Variants in SLC25A48 observed in about 807,000 individuals in gnomAD.
SLC25A48 encodes the protein CTC-321K16.1.
A neutral mutation model predicts 32.2 loss-of-function variants in SLC25A48; 29 were observed. The observed-to-expected ratio is 0.90, with a 90% CI of 0.67 to 1.23. The LOEUF is 1.23. Ranked by LOEUF, SLC25A48 falls within the 50% of genes most tolerant of loss-of-function variation. SLC25A48 has a pLI of 0.00. For missense variants in SLC25A48, 399 were observed against 422.7 expected (o/e 0.94, Z 0.49); for synonymous variants, 164 against 172.3 (o/e 0.95, Z 0.38).
chr5:135,727,058 G>A (rs183145400), intron 3 of SLC25A48, among the ~76,000 whole-genome samples: 402 of 152,230 alleles, frequency 2.6e-3, no homozygotes, highest in Non-Finnish European at 4.7e-3. Flanking sequence ...GGCTAAAGAC[G>A]TTGAACATCT....
chr5:135,886,671 TGTGA>T (rs72419713), intron 7 of SLC25A48, among the ~76,000 whole-genome samples: 6,190 of 98,464 alleles, frequency 0.063, 407 homozygotes, highest in Admixed American at 0.08. Flanking sequence ...TGTGTGTGTG[TGTGA>T]GAGAGAGAGA....
chr5:135,701,789 C>T (rs1391684645), intron 3 of SLC25A48, among the ~76,000 whole-genome samples: 1 of 152,164 alleles, frequency 6.6e-6, no homozygotes, highest in East Asian at 1.9e-4. Context: ...TGGGTGAACT[C>T]GAGATGGAAC....
At chr5:135,757,054 A>G (rs1302166616) in intron 3 of SLC25A48, among the ~76,000 whole-genome samples, 1 of 150,280 alleles carries the variant, frequency 6.7e-6, no homozygotes, top group Non-Finnish European at 1.5e-5. Context: ...ATGATATGAT[A>G]TCTAGTGTTA....
At chr5:135,741,171 A>C (rs1472361140) in intron 3 of SLC25A48, among the ~76,000 whole-genome samples, 2 of 152,158 alleles carry the variant, frequency 1.3e-5, no homozygotes, top group Non-Finnish European at 1.5e-5. Flanking sequence ...AGGTCACAGC[A>C]GTGGTGTGGA....
At chr5:135,775,924 AC>A (rs1346701082) in intron 3 of SLC25A48, among the ~76,000 whole-genome samples, 1 of 151,270 alleles carries the variant, frequency 6.6e-6, no homozygotes, top group Non-Finnish European at 1.5e-5. Context: ...AAAAGTGTAC[AC>A]CCCCACTGTG....
At chr5:135,806,064 T>G (rs939194017) in intron 3 of SLC25A48, among the ~76,000 whole-genome samples, 1 of 151,712 alleles carries the variant, frequency 6.6e-6, no homozygotes, top group Non-Finnish European at 1.5e-5. Context: ...AGGGAGATAT[T>G]ATCCCTAATA....
At chr5:135,727,914 A>G (rs1468737634) in intron 3 of SLC25A48, among the ~76,000 whole-genome samples, 2 of 152,164 alleles carry the variant, frequency 1.3e-5, no homozygotes, top group African/African-American at 4.8e-5. Flanking sequence ...TATATCTACA[A>G]AATAATTTGC....
At chr5:135,763,245 C>T (rs538946040) in intron 3 of SLC25A48, among the ~76,000 whole-genome samples, 1 of 152,082 alleles carries the variant, frequency 6.6e-6, no homozygotes, top group Non-Finnish European at 1.5e-5. Context: ...ATTTGACTCA[C>T]GGGGCTAGCT....
chr5:135,873,928 A>G, intron 5 of SLC25A48, 93 bp from the exon 6 acceptor site: 1 of 1,337,654 alleles, frequency 7.5e-7, no homozygotes, highest in Non-Finnish European at 9.8e-7. Flanking sequence ...CTCCCAGCTT[A>G]ATGAATCTCT....
At chr5:135,734,343 A>G (rs1322801825) in intron 3 of SLC25A48, among the ~76,000 whole-genome samples, 6 of 136,384 alleles carry the variant, frequency 4.4e-5, no homozygotes, top group Non-Finnish European at 6.5e-5. Flanking sequence ...TCTTGGCCTA[A>G]TAAGGAACTG....
chr5:135,842,347 C>T, intron 1 of SLC25A48, 69 bp from the exon 2 acceptor site: 2 of 1,548,292 alleles, frequency 1.3e-6, no homozygotes, highest in Non-Finnish European at 1.8e-6. Flanking sequence ...CTGTTTTGTC[C>T]CAAGAGCTGG....
At chr5:135,742,552 T>C (rs1755523634) in intron 3 of SLC25A48, 5 of 1,409,076 alleles carry the variant, frequency 3.5e-6, no homozygotes, top group Admixed American at 3.6e-5. Context: ...AGATTTTGTG[T>C]TTTATGGTTT....
At chr5:135,810,559 T>C (rs1757568448) in intron 3 of SLC25A48, among the ~76,000 whole-genome samples, 2 of 152,180 alleles carry the variant, frequency 1.3e-5, no homozygotes, top group Admixed American at 1.3e-4. Flanking sequence ...TGTTGTCAAG[T>C]ATCTATTACA....
chr5:135,672,382 G>A (rs1337112094), intron 3 of SLC25A48, among the ~76,000 whole-genome samples: 1 of 152,198 alleles, frequency 6.6e-6, no homozygotes, highest in African/African-American at 2.4e-5. Flanking sequence ...CGGTGCCTGA[G>A]ACACCCCATG....
At chr5:135,848,406 G>T (rs898903664) in intron 2 of SLC25A48, among the ~76,000 whole-genome samples, 1 of 152,138 alleles carries the variant, frequency 6.6e-6, no homozygotes, top group Non-Finnish European at 1.5e-5. Context: ...CATTGTCCTG[G>T]TTGTGGACAT....
chr5:135,614,954 T>C (rs537266167), intron 1 of SLC25A48, among the ~76,000 whole-genome samples: 44 of 152,318 alleles, frequency 2.9e-4, no homozygotes, highest in African/African-American at 1.0e-3. Context: ...GCTTCAGCCA[T>C]GTAAGACGTG....
chr5:135,812,550 C>T (rs563462750), exon 4 of SLC25A48: 1 of 152,368 alleles, frequency 6.6e-6, no homozygotes, highest in Non-Finnish European at 1.5e-5. Flanking sequence ...ATATTTGCAT[C>T]TTCTCTGCAC....
At chr5:135,858,721 C>T (rs773689027) in intron 4 of SLC25A48, among the ~76,000 whole-genome samples, 1 of 152,184 alleles carries the variant, frequency 6.6e-6, no homozygotes, top group Non-Finnish European at 1.5e-5. Flanking sequence ...TAACATTGGG[C>T]CACCTGGGCC....
chr5:135,676,935 G>A (rs1580777011), intron 3 of SLC25A48, among the ~76,000 whole-genome samples: 2 of 134,694 alleles, frequency 1.5e-5, no homozygotes, highest in Non-Finnish European at 3.3e-5. Flanking sequence ...TCTGTAGCTG[G>A]TGGATGAAAT....
Sources: gnomAD v4.1 joint callset for allele counts (sites outside exome capture counted in the v4.1 genomes callset) on GRCh38, gnomAD v4.1.1 for gene constraint, MANE v1.5 for transcripts, NCBI Gene and HGNC (gene_info 2026-07-23, HGNC 2026-07-21) for gene names.